The following TULP4 variants were observed in gnomAD, a reference collection of about 807,000 sequenced individuals.
TULP4 encodes tubby-related protein 4.
A neutral mutation model predicts 129.0 loss-of-function variants in TULP4; 16 were observed. The observed-to-expected ratio is 0.12, with a 90% CI of 0.08 to 0.19. The LOEUF (loss-of-function observed/expected upper bound fraction) is 0.19, where lower values mean the gene tolerates loss of function less well. TULP4 is among the 10% of genes least tolerant of loss of function. The pLI, the probability that TULP4 is intolerant of heterozygous loss-of-function variation, is 1.00. For missense variants in TULP4, 1,842 were observed against 2,059.1 expected, an observed-to-expected ratio of 0.89 and a Z score of 2.04; for synonymous variants, 998 against 854.0, an observed-to-expected ratio of 1.17 and a Z score of -2.94.
chr6:158,401,145 C>T (rs561940360), intron 1 of TULP4, among the ~76,000 whole-genome samples: 44 of 151,978 alleles, frequency 2.9e-4, no homozygotes, highest in Non-Finnish European at 6.2e-4. Flanking sequence ...ATGATCACGG[C>T]TCACTGCAGC....
chr6:158,349,080 TCCTCACTTCCCAGATGG>T (rs1780407175), intron 1 of TULP4, among the ~76,000 whole-genome samples: 2 of 120,040 alleles, frequency 1.7e-5, no homozygotes, highest in African/African-American at 5.8e-5. Context: ...GCAGAGGCGC[TCCTCACTTCCCAGATGG>T]GGCAGCCGGG....
intron 1 of TULP4, among the ~76,000 whole-genome samples, chr6:158,352,073 AT>A (rs1780537912): frequency 6.6e-6 from 1 of 151,934 alleles, no homozygotes; most frequent in African/African-American, 2.4e-5. Context: ...ATATATTTAT[AT>A]TTTCCTTAGA....
In TULP4 at chr6:158,489,519, A is replaced by G. The variant is rs549103334; in HGVS notation, c.1487-69A>G. On this transcript the variant is annotated intron_variant, in intron 8 of 13. Coordinates refer to ENST00000367097, the MANE Select transcript of TULP4 (RefSeq NM_020245.5). ...GGAGTCCGTCTGTCTTTTAGTTTATAGTAATGATCATTGGTAGGGGCTAAT... is the reference window on the plus strand; with the variant it reads ...GGAGTCCGTCTGTCTTTTAGTTTATGGTAATGATCATTGGTAGGGGCTAAT... The G allele has an allele frequency of 1.1e-4, 182 of 1,585,974 alleles. 2 individuals carry two copies. In the South Asian group the frequency reaches 1.8e-3, roughly 16 times the overall value.
chr6:158,393,711 C>T (rs1002144394), intron 1 of TULP4, among the ~76,000 whole-genome samples: 2 of 152,202 alleles, frequency 1.3e-5, no homozygotes, highest in Non-Finnish European at 1.5e-5. Flanking sequence ...GGTGCCATGT[C>T]GTAAGGCTGC....
At chr6:158,444,468 C>G (rs1411944434) in intron 3 of TULP4, among the ~76,000 whole-genome samples, 1 of 151,910 alleles carries the variant, frequency 6.6e-6, no homozygotes, top group African/African-American at 2.4e-5. Context: ...AAAAAGTCAC[C>G]TCCTTCAGGA....
intron 1 of TULP4, among the ~76,000 whole-genome samples, chr6:158,239,671 G>A (rs1192754678): frequency 1.6e-4 from 11 of 69,288 alleles, no homozygotes; most frequent in African/African-American, 2.4e-4. Flanking sequence ...GGACCGGGCG[G>A]CTGGCCGGGC....
intron 1 of TULP4, among the ~76,000 whole-genome samples, chr6:158,381,770 T>G (rs992642976): frequency 6.6e-6 from 1 of 152,220 alleles, no homozygotes; most frequent in African/African-American, 2.4e-5. Context: ...GACAATAGTT[T>G]CATTTATTTT....
chr6:158,273,997 C>T (rs1256101031), intron 1 of TULP4, among the ~76,000 whole-genome samples: 2 of 152,176 alleles, frequency 1.3e-5, no homozygotes, highest in African/African-American at 4.8e-5. Context: ...CAGTGGCTCA[C>T]ACCTGTAATC....
intron 1 of TULP4, among the ~76,000 whole-genome samples, chr6:158,287,433 C>T (rs960778895): frequency 1.3e-5 from 2 of 152,170 alleles, no homozygotes; most frequent in African/African-American, 4.8e-5. Context: ...TTTTATTCAA[C>T]TGAACATGCA....
intron 1 of TULP4, among the ~76,000 whole-genome samples, chr6:158,356,190 A>G (rs1413339546): frequency 6.6e-6 from 1 of 152,234 alleles, no homozygotes; most frequent in East Asian, 1.9e-4. Context: ...TGGTGTTTAA[A>G]TCGTGGCTGA....
intron 2 of TULP4, 124 bp from the exon 3 acceptor site, chr6:158,429,612 A>G: frequency 9.6e-7 from 1 of 1,045,810 alleles, no homozygotes; most frequent in Non-Finnish European, 1.4e-6. Context: ...CAAATAACAT[A>G]TGTTATATTT....
chr6:158,424,782 T>G (rs749815915), intron 2 of TULP4, among the ~76,000 whole-genome samples: 5 of 152,104 alleles, frequency 3.3e-5, no homozygotes, highest in Non-Finnish European at 7.4e-5. Flanking sequence ...TTTGAACAGA[T>G]ATACCCCAAA....
At chr6:158,306,674 T>C (rs1197904164) in intron 1 of TULP4, among the ~76,000 whole-genome samples, 2 of 152,206 alleles carry the variant, frequency 1.3e-5, no homozygotes, top group African/African-American at 4.8e-5. Context: ...TTATTGAAGG[T>C]CCAAAGGAAC....
rs1260100908 is a variant in TULP4 at position 158,501,977 on chromosome 6, C to T, written c.2314C>T (p.Pro772Ser). 3 of 1,613,772 alleles carry T rather than the reference C, an allele frequency of 1.9e-6. No individual in the cohort carries two copies. Among genetic ancestry groups the T allele is most frequent in the Non-Finnish European group, 2.5e-6 (3 of 1,179,942 alleles). ...EMGRIIQNPP[P>S]LSLPPPPQGP... ...GGGCCGCATCATTCAGAACCCCCCT[C>T]CACTGTCCCTGCCTCCCCCGCCGCA... The change falls in exon 13 of 14, where the codon CCA becomes TCA. Residue 772 changes from proline to serine, a missense_variant. Transcript: ENST00000367097.
intron 1 of TULP4, among the ~76,000 whole-genome samples, chr6:158,331,722 C>CGTGTATATAT (rs1562523116): frequency 0.27 from 9,617 of 36,072 alleles, 3,602 homozygotes; most frequent in African/African-American, 0.44. Context: ...CACACACACA[C>CGTGTATATAT]ACACACATAC....
chr6:158,295,628 G>A (rs764211433), intron 1 of TULP4, among the ~76,000 whole-genome samples: 8 of 152,192 alleles, frequency 5.3e-5, no homozygotes, highest in Non-Finnish European at 7.3e-5. Flanking sequence ...GGTGGCTTTC[G>A]CCTGTAGTCC....
At chr6:158,260,575 C>CAAAA (rs71729689) in intron 1 of TULP4, among the ~76,000 whole-genome samples, 139 of 116,616 alleles carry the variant, frequency 1.2e-3, no homozygotes, top group East Asian at 6.2e-3. Flanking sequence ...GACTCTGTCT[C>CAAAA]AAAAAAAAAA....
rs1021960366 is a variant in TULP4, at chr6:158,314,002, T to A, written c.-15T>A. On this transcript the variant is annotated 5_prime_UTR_variant, in exon 1 of 14. Transcript: ENST00000367097. ...TAACATTACTTTTTAAGTAAAACAG[T>A]TCATTGAAGAAAGTATGTATGCAGC... 10 of 1,609,078 alleles carry A rather than the reference T, an allele frequency of 6.2e-6. No individual in the cohort carries two copies. The highest frequency in any genetic ancestry group is 8.5e-6 in the Non-Finnish European group (10 of 1,176,238).
intron 1 of TULP4, 36 bp downstream of exon 1, chr6:158,314,304 C>G: frequency 6.3e-7 from 1 of 1,598,758 alleles, no homozygotes. Context: ...TTGGTCACTT[C>G]CAGTGGTGTT....
Sources: gnomAD v4.1 joint callset for allele counts (sites outside exome capture counted in the v4.1 genomes callset) on GRCh38, gnomAD v4.1.1 for gene constraint, MANE v1.5 for transcripts, NCBI Gene and HGNC (gene_info 2026-07-23, HGNC 2026-07-21) for gene names.